Variants in RAD51B observed in about 807,000 individuals in gnomAD.
RAD51B encodes DNA repair protein RAD51 homolog 2.
Under a neutral mutation model 42.2 loss-of-function variants are expected in RAD51B, and 38 were observed. The ratio of observed to expected loss-of-function variants is 0.90; its 90% confidence interval spans 0.70 to 1.18. The LOEUF (loss-of-function observed/expected upper bound fraction) is 1.18. Among genes scored for constraint, RAD51B ranks in the 50% most tolerant of loss-of-function variants. RAD51B has a pLI of 0.00. For missense variants in RAD51B, 373 were observed against 400.7 expected (o/e 0.93, Z 0.59); for synonymous variants, 154 against 145.2 (o/e 1.06, Z -0.43).
intron 7 of RAD51B, among the ~76,000 whole-genome samples, chr14:67,902,623 A>G (rs1490492960): frequency 6.6e-6 from 1 of 152,222 alleles, no homozygotes; most frequent in Non-Finnish European, 1.5e-5. Flanking sequence ...ATGAGTGGTT[A>G]GTAGTTGGGG....
chr14:68,391,787 A>G (rs1468088362), intron 8 of RAD51B, among the ~76,000 whole-genome samples: 1 of 152,238 alleles, frequency 6.6e-6, no homozygotes, highest in Non-Finnish European at 1.5e-5. Context: ...AAGGCAGACC[A>G]GGCCAATAGA....
intron 7 of RAD51B, among the ~76,000 whole-genome samples, chr14:68,150,504 A>C (rs1330523654): frequency 6.6e-6 from 1 of 152,094 alleles, no homozygotes; most frequent in African/African-American, 2.4e-5. Flanking sequence ...AAAGTTTTAT[A>C]ATTTTCTTAC....
At chr14:68,197,451 A>G (rs953556013) in intron 7 of RAD51B, among the ~76,000 whole-genome samples, 3 of 152,160 alleles carry the variant, frequency 2.0e-5, no homozygotes, top group Non-Finnish European at 4.4e-5. Flanking sequence ...ATATGTGGGT[A>G]ATTTTCACTT....
At chr14:67,880,202 TC>T (rs944242549) in intron 5 of RAD51B, among the ~76,000 whole-genome samples, 1 of 152,246 alleles carries the variant, frequency 6.6e-6, no homozygotes, top group African/African-American at 2.4e-5. Context: ...TTTTTAGGAA[TC>T]TGATTTTTCA....
At chr14:67,867,484 T>G (rs2042366595) in intron 5 of RAD51B, among the ~76,000 whole-genome samples, 1 of 152,184 alleles carries the variant, frequency 6.6e-6, no homozygotes, top group South Asian at 2.1e-4. Flanking sequence ...AGCTATATCT[T>G]TTATCAGGAA....
chr14:68,642,811 A>C (rs1262664188), intron 10 of RAD51B, among the ~76,000 whole-genome samples: 3 of 152,128 alleles, frequency 2.0e-5, no homozygotes, highest in Non-Finnish European at 4.4e-5. Flanking sequence ...TTTCATTTTC[A>C]CTTAAATCCA....
intron 9 of RAD51B, among the ~76,000 whole-genome samples, chr14:68,450,128 G>T (rs1357027429): frequency 1.3e-5 from 2 of 151,562 alleles, no homozygotes; most frequent in Non-Finnish European, 2.9e-5. Context: ...GGAGGCAGTG[G>T]CCTGCCTGGT....
intron 10 of RAD51B, among the ~76,000 whole-genome samples, chr14:68,518,691 G>A (rs930181755): frequency 1.3e-5 from 2 of 152,164 alleles, no homozygotes; most frequent in Non-Finnish European, 2.9e-5. Flanking sequence ...GCAGAGACAG[G>A]TGTTTGAAAC....
intron 7 of RAD51B, among the ~76,000 whole-genome samples, chr14:68,020,688 C>T (rs761601483): frequency 4.3e-4 from 66 of 151,968 alleles, no homozygotes; most frequent in Non-Finnish European, 6.5e-4. Flanking sequence ...TTGTTGGTTG[C>T]GCAAGACTGT....
At chr14:67,886,740 A>G (rs2043072790) in intron 6 of RAD51B, 2 of 284,458 alleles carry the variant, frequency 7.0e-6, no homozygotes, top group Non-Finnish European at 1.3e-5. Context: ...AGTGTGGGCC[A>G]TTTTGCAGAC....
At chr14:68,131,626 G>A (rs1479605707) in intron 7 of RAD51B, among the ~76,000 whole-genome samples, 1 of 152,162 alleles carries the variant, frequency 6.6e-6, no homozygotes, top group Non-Finnish European at 1.5e-5. Flanking sequence ...AACCCAGTGG[G>A]CGGAGGTTGC....
intron 10 of RAD51B, among the ~76,000 whole-genome samples, chr14:68,505,991 A>T (rs1885288958): frequency 6.6e-6 from 1 of 152,080 alleles, no homozygotes; most frequent in South Asian, 2.1e-4. Context: ...GTGGGCCAAA[A>T]TCCCTAGAGG....
intron 7 of RAD51B, among the ~76,000 whole-genome samples, chr14:68,049,711 C>G (rs1595320822): frequency 1.3e-5 from 2 of 152,192 alleles, no homozygotes; most frequent in South Asian, 2.1e-4. Context: ...TTTATCCAGG[C>G]CTTTGTTACT....
At chr14:68,679,710 G>A (rs546685705) in intron 11 of RAD51B, among the ~76,000 whole-genome samples, 90 of 152,270 alleles carry the variant, frequency 5.9e-4, no homozygotes, top group Non-Finnish European at 1.1e-3. Flanking sequence ...CTGTTCTGAG[G>A]GTAGTCTCTG....
intron 7 of RAD51B, among the ~76,000 whole-genome samples, chr14:68,216,320 A>G (rs765683431): frequency 2.6e-5 from 4 of 152,200 alleles, no homozygotes; most frequent in Non-Finnish European, 4.4e-5. Context: ...CAAATGAAAA[A>G]GGTCGTTAAG....
chr14:68,082,521 A>G (rs2140492916), intron 7 of RAD51B, among the ~76,000 whole-genome samples: 1 of 152,094 alleles, frequency 6.6e-6, no homozygotes, highest in Admixed American at 6.5e-5. Flanking sequence ...ATGTATATGT[A>G]TGTGAGAATG....
chr14:67,970,541 A>C (rs1021691866), intron 7 of RAD51B, among the ~76,000 whole-genome samples: 1 of 150,586 alleles, frequency 6.6e-6, no homozygotes, highest in African/African-American at 2.4e-5. Context: ...ATGTTTATTC[A>C]TATATTCTGT....
chr14:68,088,523 GT>G (rs1290704238), intron 7 of RAD51B, among the ~76,000 whole-genome samples: 12 of 150,940 alleles, frequency 8.0e-5, no homozygotes, highest in East Asian at 3.9e-4. Flanking sequence ...ACTTTCTCAT[GT>G]TGCAGCATTT....
At chr14:68,154,331 G>A (rs777985212) in intron 7 of RAD51B, among the ~76,000 whole-genome samples, 13 of 152,176 alleles carry the variant, frequency 8.5e-5, no homozygotes, top group Non-Finnish European at 1.8e-4. Context: ...GGCAAGACCC[G>A]TCTGAGTATT....
Sources: gnomAD v4.1 joint callset for allele counts (sites outside exome capture counted in the v4.1 genomes callset) on GRCh38, gnomAD v4.1.1 for gene constraint, MANE v1.5 for transcripts, NCBI Gene and HGNC (gene_info 2026-07-23, HGNC 2026-07-21) for gene names.